Variants in AKAP6 observed in about 807,000 individuals in gnomAD.
The protein encoded by AKAP6 is A-kinase anchoring protein 6.
A neutral mutation model predicts 188.5 loss-of-function variants in AKAP6; 58 were observed. The observed-to-expected ratio is 0.31, with a 90% CI of 0.25 to 0.38. The LOEUF is 0.38. AKAP6 is among the 10% of genes least tolerant of loss of function. The pLI, the probability that AKAP6 is intolerant of heterozygous loss-of-function variation, is 1.00. For missense variants in AKAP6, 2,710 were observed against 2,740.0 expected (o/e 0.99, Z 0.24); for synonymous variants, 989 against 998.6 (o/e 0.99, Z 0.18).
rs547166805 is a variant in AKAP6, at chr14:32,618,953, C to T, written c.2730+18161C>T. On this transcript the variant is annotated intron_variant, in intron 7 of 13. Coordinates refer to ENST00000280979, the MANE Select transcript of AKAP6 (RefSeq NM_004274.5). ...TGATCAGTGATTTTAAGCATTTTTTCGTGTTTCTTGGCCATTTGTACATCT... is the reference window on the plus strand; with the variant it reads ...TGATCAGTGATTTTAAGCATTTTTTTGTGTTTCTTGGCCATTTGTACATCT... Among the ~76,000 whole-genome samples, 6 of 152,076 alleles carry T rather than the reference C, an allele frequency of 3.9e-5. No homozygotes were observed. The South Asian group carries it at 1.0e-3, about 26-fold the overall frequency.
chr14:32,824,017 G>A lies in AKAP6; in HGVS notation c.6204G>A (p.Ser2068=), dbSNP rs776043939. 25 of 1,613,742 alleles carry A rather than the reference G, an allele frequency of 1.5e-5. No homozygotes were observed. Among genetic ancestry groups the A allele is most frequent in the East Asian group, 2.2e-5 (1 of 44,892 alleles). ...TTAAGGAAATCATTGACATGGCTTC[G>A]ACAGCCCTAAAAAGTAAATCTCAAC... is the stretch of plus-strand genomic sequence containing the variant. ...NFVKEIIDMA[S]TALKSKSQPE... is the part of the protein sequence containing the mutation. Residue 2068 remains serine (S), a synonymous_variant, in exon 13 of 14, where the codon TCG becomes TCA. Transcript: ENST00000280979.
intron 12 of AKAP6, among the ~76,000 whole-genome samples, chr14:32,779,121 TGTG>T (rs770216023): frequency 1.3e-5 from 2 of 151,936 alleles, no homozygotes; most frequent in Non-Finnish European, 2.9e-5. Flanking sequence ...TTAGGCCAGA[TGTG>T]GTGGCTCACA....
intron 1 of AKAP6, among the ~76,000 whole-genome samples, chr14:32,370,033 AAAAC>A (rs1459868324): frequency 1.3e-5 from 2 of 152,222 alleles, no homozygotes; most frequent in Admixed American, 6.5e-5. Context: ...CTCCATCTCA[AAAAC>A]AAACAAACAA....
At chr14:32,802,146 G>A (rs1165756921) in intron 12 of AKAP6, among the ~76,000 whole-genome samples, 3 of 152,014 alleles carry the variant, frequency 2.0e-5, no homozygotes, top group Non-Finnish European at 4.4e-5. Flanking sequence ...ACAGTTCTTG[G>A]GATATTTTAT....
intron 7 of AKAP6, among the ~76,000 whole-genome samples, chr14:32,608,877 A>T (rs914572528): frequency 6.6e-6 from 1 of 152,234 alleles, no homozygotes; most frequent in Non-Finnish European, 1.5e-5. Context: ...GTGGAGGTCA[A>T]ACATTTTAAA....
intron 2 of AKAP6, among the ~76,000 whole-genome samples, chr14:32,443,409 A>AAC (rs148796049): frequency 0.13 from 19,862 of 149,790 alleles, 2,206 homozygotes; most frequent in African/African-American, 0.3. Flanking sequence ...AAACAAAACA[A>AAC]AAAAAAAACA....
intron 1 of AKAP6, among the ~76,000 whole-genome samples, chr14:32,373,905 A>G (rs765609793): frequency 6.6e-6 from 1 of 152,204 alleles, no homozygotes. Context: ...CTTACTCCAT[A>G]ATTATAGAAG....
intron 7 of AKAP6, among the ~76,000 whole-genome samples, chr14:32,630,755 G>A (rs1383263456): frequency 6.6e-6 from 1 of 151,996 alleles, no homozygotes; most frequent in African/African-American, 2.4e-5. Flanking sequence ...TTCTTTTAAT[G>A]TTTTAAATAA....
At chr14:32,762,863 C>T (rs1031898039) in intron 11 of AKAP6, among the ~76,000 whole-genome samples, 20 of 152,010 alleles carry the variant, frequency 1.3e-4, no homozygotes, top group African/African-American at 4.6e-4. Flanking sequence ...ATCTTTAGGT[C>T]AAAAGGTCAG....
At chr14:32,584,181 C>T (rs1179211617) in intron 5 of AKAP6, among the ~76,000 whole-genome samples, 1 of 152,210 alleles carries the variant, frequency 6.6e-6, no homozygotes, top group Non-Finnish European at 1.5e-5. Flanking sequence ...CGGATGTGTT[C>T]CAAGCCCCAC....
At chr14:32,455,474 A>T (rs1456925371) in intron 2 of AKAP6, among the ~76,000 whole-genome samples, 2 of 152,090 alleles carry the variant, frequency 1.3e-5, no homozygotes, top group Non-Finnish European at 2.9e-5. Flanking sequence ...TCATTTAAAA[A>T]TTGGGTTGTC....
intron 12 of AKAP6, among the ~76,000 whole-genome samples, chr14:32,804,156 C>T (rs922285905): frequency 6.6e-6 from 1 of 152,176 alleles, no homozygotes; most frequent in African/African-American, 2.4e-5. Context: ...TCTTCCTATT[C>T]TTATCAGTAC....
chr14:32,589,311 A>G (rs950815486), intron 5 of AKAP6, among the ~76,000 whole-genome samples: 2 of 152,112 alleles, frequency 1.3e-5, no homozygotes, highest in Admixed American at 1.3e-4. Context: ...AGTCGCAGAG[A>G]GTTTAGTGGG....
intron 8 of AKAP6, among the ~76,000 whole-genome samples, chr14:32,683,916 A>G (rs1566645231): frequency 2.0e-5 from 3 of 152,192 alleles, no homozygotes; most frequent in African/African-American, 7.2e-5. Flanking sequence ...GAAAGAAGGA[A>G]GCTGCATTGA....
At chr14:32,671,497 T>TC in intron 7 of AKAP6, among the ~76,000 whole-genome samples, 1 of 152,070 alleles carries the variant, frequency 6.6e-6, no homozygotes, top group African/African-American at 2.4e-5. Context: ...CTCTCTATTT[T>TC]TTTTTTTTAC....
At chr14:32,466,759 T>G (rs967892888) in intron 2 of AKAP6, among the ~76,000 whole-genome samples, 24 of 143,734 alleles carry the variant, frequency 1.7e-4, no homozygotes, top group Admixed American at 9.7e-4. Context: ...AAAAAAGAGA[T>G]ATATTAACCA....
At chr14:32,531,090 A>G (rs376734046) in intron 2 of AKAP6, among the ~76,000 whole-genome samples, 2 of 152,226 alleles carry the variant, frequency 1.3e-5, no homozygotes, top group East Asian at 3.9e-4. Context: ...AATTGGTAAC[A>G]TAATGTATTC....
At chr14:32,777,074 G>A (rs61981386) in intron 12 of AKAP6, among the ~76,000 whole-genome samples, 12,729 of 152,174 alleles carry the variant, frequency 0.084, 655 homozygotes, top group Middle Eastern at 0.14. Context: ...GCATGTGATA[G>A]GGTACCAAGA....
intron 12 of AKAP6, among the ~76,000 whole-genome samples, chr14:32,786,428 C>T (rs2033421641): frequency 6.6e-6 from 1 of 150,614 alleles, no homozygotes; most frequent in African/African-American, 2.4e-5. Flanking sequence ...CTGCCCCAGC[C>T]TCCTGAGTAG....
Sources: allele counts gnomAD v4.1 joint callset (sites outside exome capture counted in the v4.1 genomes callset), GRCh38; gene constraint gnomAD v4.1.1; transcripts MANE v1.5; gene names NCBI Gene and HGNC (gene_info 2026-07-23, HGNC 2026-07-21).